The following DPP6 variants were observed in gnomAD, a reference collection of about 807,000 sequenced individuals.
DPP6 encodes dipeptidyl peptidase like 6, also known as A-type potassium channel modulatory protein DPP6.
A neutral mutation model predicts 122.6 loss-of-function variants in DPP6; 69 were observed. The observed-to-expected ratio is 0.56, with a 90% CI of 0.46 to 0.69. The LOEUF is 0.69. Ranked by LOEUF, DPP6 falls within the 30% of genes least tolerant of loss-of-function variation. DPP6 has a pLI of 0.00. For synonymous variants in DPP6, 418 were observed against 433.1 expected, an observed-to-expected ratio of 0.97 and a Z score of 0.43; for missense variants, 928 against 1,116.9, an observed-to-expected ratio of 0.83 and a Z score of 2.41.
At chr7:153,771,475 T>G in the DPP6 span, among the ~76,000 whole-genome samples, 2 of 152,192 alleles carry the variant, frequency 1.3e-5, no homozygotes, top group South Asian at 4.2e-4. Flanking sequence ...AAGTAGCTGG[T>G]ATTACAGGCA....
intron 3 of DPP6, among the ~76,000 whole-genome samples, chr7:154,537,032 A>T (rs79521563): frequency 0.037 from 5,633 of 152,280 alleles, 130 homozygotes; most frequent in South Asian, 0.083. Context: ...AATATTTATT[A>T]TATATGTCAT....
At chr7:153,904,382 T>A (rs1311089142) in intron 1 of DPP6, among the ~76,000 whole-genome samples, 2 of 152,180 alleles carry the variant, frequency 1.3e-5, no homozygotes, top group African/African-American at 4.8e-5. Context: ...GCACCATCTT[T>A]CAATTTTTTA....
intron 1 of DPP6, among the ~76,000 whole-genome samples, chr7:154,188,390 CCTTAT>C (rs1563294677): frequency 2.0e-5 from 3 of 151,880 alleles, no homozygotes; most frequent in African/African-American, 7.3e-5. Flanking sequence ...AAGACACAGT[CCTTAT>C]CTTAATAAGA....
At chr7:154,417,492 G>C (rs554368822) in intron 1 of DPP6, among the ~76,000 whole-genome samples, 2 of 152,106 alleles carry the variant, frequency 1.3e-5, no homozygotes, top group Non-Finnish European at 2.9e-5. Flanking sequence ...GGCTCCCTAG[G>C]CACCTGAGGT....
chr7:153,871,769 T>G, the DPP6 span, among the ~76,000 whole-genome samples: 64 of 152,316 alleles, frequency 4.2e-4, 1 homozygote, highest in South Asian at 2.3e-3. Context: ...AGACTGGAGC[T>G]CTTCCTATTC....
chr7:154,851,042 C>T (rs1469517727), intron 16 of DPP6, among the ~76,000 whole-genome samples: 1 of 152,168 alleles, frequency 6.6e-6, no homozygotes, highest in Non-Finnish European at 1.5e-5. Flanking sequence ...TGCAGACAAA[C>T]ATTTAAGAAC....
intron 5 of DPP6, among the ~76,000 whole-genome samples, chr7:154,599,973 G>A (rs952283556): frequency 1.3e-5 from 2 of 152,092 alleles, no homozygotes; most frequent in Admixed American, 6.5e-5. Context: ...CTTCAATCCC[G>A]CTCTTCTCCA....
chr7:154,108,086 C>T (rs1806301695), intron 1 of DPP6, among the ~76,000 whole-genome samples: 1 of 152,224 alleles, frequency 6.6e-6, no homozygotes, highest in Non-Finnish European at 1.5e-5. Flanking sequence ...CACCTTGTCC[C>T]TCAGCCCTGT....
chr7:154,474,940 G>A lies in DPP6; in HGVS notation c.360G>A (p.Ala120=), dbSNP rs774077373. The A allele has an allele frequency of 1.1e-5, 17 of 1,609,812 alleles. No individual in the cohort carries two copies. The highest frequency in any genetic ancestry group is 3.3e-5 in the South Asian group (3 of 90,672). The change falls in exon 3 of 26, where the codon GCG becomes GCA. Residue 120 remains alanine (A), a splice_region_variant and synonymous_variant. Coordinates refer to ENST00000377770, the MANE Select transcript of DPP6 (RefSeq NM_130797.4). ...TCTTTGCTTTTTATTTTTTTCTAGC[G>A]GAAGATAATAGTCTGTCTCAAAAGA... ...IVTSVILLTP[A]EDNSLSQKKK...
chr7:154,745,694 G>A (rs1843005436), intron 8 of DPP6, among the ~76,000 whole-genome samples: 1 of 152,242 alleles, frequency 6.6e-6, no homozygotes, highest in South Asian at 2.1e-4. Flanking sequence ...ATGAAGTGGA[G>A]CTGGTTGTAC....
chr7:154,464,414 A>G (rs1008143344), intron 2 of DPP6, among the ~76,000 whole-genome samples: 1 of 152,216 alleles, frequency 6.6e-6, no homozygotes, highest in African/African-American at 2.4e-5. Context: ...TACTGTGATC[A>G]TTAATCTGAT....
At chr7:154,060,559 G>A (rs1229111543) in intron 1 of DPP6, among the ~76,000 whole-genome samples, 1 of 137,872 alleles carries the variant, frequency 7.3e-6, no homozygotes, top group Non-Finnish European at 1.6e-5. Context: ...CAAATCTTCC[G>A]ACGGCAGGTA....
intron 1 of DPP6, among the ~76,000 whole-genome samples, chr7:154,056,737 A>T (rs989446917): frequency 3.3e-5 from 5 of 151,790 alleles, no homozygotes; most frequent in Admixed American, 3.3e-4. Context: ...CAACCAACCC[A>T]TTTTTTTCCT....
At chr7:153,789,697 A>G in the DPP6 span, among the ~76,000 whole-genome samples, 3 of 152,210 alleles carry the variant, frequency 2.0e-5, no homozygotes, top group Admixed American at 6.5e-5. Context: ...GAAAATTATA[A>G]AGTTTTGAAG....
intron 1 of DPP6, among the ~76,000 whole-genome samples, chr7:153,940,877 T>G (rs2129016658): frequency 6.6e-6 from 1 of 152,274 alleles, no homozygotes; most frequent in Admixed American, 6.5e-5. Context: ...GTGTCTGGCC[T>G]TTTCTTTCAA....
chr7:154,739,735 G>A (rs999504723), intron 8 of DPP6, among the ~76,000 whole-genome samples: 1 of 152,210 alleles, frequency 6.6e-6, no homozygotes, highest in East Asian at 1.9e-4. Context: ...AAGGCACCTT[G>A]CAATAAGCTC....
intron 5 of DPP6, among the ~76,000 whole-genome samples, chr7:154,593,626 C>T (rs1832927565): frequency 6.6e-6 from 1 of 152,228 alleles, no homozygotes; most frequent in African/African-American, 2.4e-5. Flanking sequence ...GCATCACGTA[C>T]TCAGAAGAAC....
chr7:154,584,326 G>A (rs1037526362), intron 5 of DPP6, among the ~76,000 whole-genome samples: 4 of 152,214 alleles, frequency 2.6e-5, no homozygotes, highest in Admixed American at 2.6e-4. Flanking sequence ...AGCCTCTTCA[G>A]CAGCAGGCCT....
intron 1 of DPP6, among the ~76,000 whole-genome samples, chr7:153,991,728 T>G (rs1360427506): frequency 1.3e-5 from 2 of 152,142 alleles, no homozygotes; most frequent in African/African-American, 2.4e-5. Context: ...GTCTGTGGGG[T>G]ATGTGCTGAG....
Sources: gnomAD v4.1 joint callset for allele counts (sites outside exome capture counted in the v4.1 genomes callset) on GRCh38, gnomAD v4.1.1 for gene constraint, MANE v1.5 for transcripts, NCBI Gene and HGNC (gene_info 2026-07-23, HGNC 2026-07-21) for gene names.